Variants in STX18 observed in about 807,000 individuals in gnomAD.
The protein encoded by STX18 is syntaxin-18.
A neutral mutation model predicts 50.1 loss-of-function variants in STX18; 40 were observed. The ratio of observed to expected loss-of-function variants is 0.80; its 90% CI spans 0.62 to 1.04. The LOEUF is 1.04. Ranked by LOEUF, STX18 falls within the 50% of genes least tolerant of loss-of-function variation. The pLI, the probability that STX18 is intolerant of heterozygous loss-of-function variation, is 0.00. For synonymous variants in STX18, 158 were observed against 151.8 expected, an observed-to-expected ratio of 1.04 and a Z score of -0.30; for missense variants, 410 against 415.8, an observed-to-expected ratio of 0.99 and a Z score of 0.12.
At chr4:4,527,412 C>T (rs966113919) in intron 1 of STX18, among the ~76,000 whole-genome samples, 2 of 152,126 alleles carry the variant, frequency 1.3e-5, no homozygotes, top group East Asian at 3.8e-4. Context: ...TTCCTTATTA[C>T]TTTAATGGAA....
At chr4:4,534,657 C>T (rs1282435455) in intron 1 of STX18, among the ~76,000 whole-genome samples, 2 of 152,192 alleles carry the variant, frequency 1.3e-5, no homozygotes, top group Admixed American at 6.5e-5. Flanking sequence ...ATGATCCTTT[C>T]GTGCCTCTGC....
chr4:4,445,119 A>G (rs1726320729), intron 5 of STX18, among the ~76,000 whole-genome samples: 1 of 151,996 alleles, frequency 6.6e-6, no homozygotes, highest in South Asian at 2.1e-4. Flanking sequence ...TACAATAAAA[A>G]GGTCACGTGC....
intron 5 of STX18, among the ~76,000 whole-genome samples, chr4:4,444,425 C>T (rs952081214): frequency 1.3e-5 from 2 of 152,210 alleles, no homozygotes; most frequent in African/African-American, 4.8e-5. Flanking sequence ...TAGCACTTCA[C>T]ATCTACATCA....
At chr4:4,525,607 G>A (rs1287974076) in intron 1 of STX18, among the ~76,000 whole-genome samples, 1 of 152,154 alleles carries the variant, frequency 6.6e-6, no homozygotes, top group Non-Finnish European at 1.5e-5. Flanking sequence ...CTGTCTAAAG[G>A]CTGTATTACT....
At chr4:4,477,800 C>G (rs972133527) in intron 1 of STX18, 6 of 152,220 alleles carry the variant, frequency 3.9e-5, no homozygotes, top group Non-Finnish European at 5.9e-5. Flanking sequence ...ATATCAACAT[C>G]AACCTGCTCT....
intron 1 of STX18, among the ~76,000 whole-genome samples, chr4:4,509,949 C>T (rs1729922639): frequency 6.6e-6 from 1 of 152,134 alleles, no homozygotes; most frequent in Non-Finnish European, 1.5e-5. Flanking sequence ...AGCAAGGAGA[C>T]TGACTGTCTA....
At chr4:4,422,162 A>C (rs995715865) in intron 9 of STX18, among the ~76,000 whole-genome samples, 2 of 152,194 alleles carry the variant, frequency 1.3e-5, no homozygotes, top group African/African-American at 4.8e-5. Context: ...AGAGAGTCTC[A>C]AAGTGTGAAC....
chr4:4,529,720 C>T (rs1731004233), intron 1 of STX18, among the ~76,000 whole-genome samples: 1 of 152,206 alleles, frequency 6.6e-6, no homozygotes, highest in African/African-American at 2.4e-5. Context: ...AGATAGCTTA[C>T]CCTTCTGAAC....
chr4:4,505,704 A>G (rs568492783), intron 1 of STX18, among the ~76,000 whole-genome samples: 365 of 152,146 alleles, frequency 2.4e-3, no homozygotes, highest in Middle Eastern at 0.014. Flanking sequence ...CATGACAATC[A>G]CTTGAACCTG....
At chr4:4,429,781 C>T (rs6446646) in intron 7 of STX18, among the ~76,000 whole-genome samples, 8,440 of 152,274 alleles carry the variant, frequency 0.055, 771 homozygotes, top group African/African-American at 0.19. Context: ...ATTCAGATTC[C>T]ACCAATCCTT....
chr4:4,457,034 C>T (rs1727113338), intron 5 of STX18, among the ~76,000 whole-genome samples, 157 bp downstream of exon 5: 1 of 152,192 alleles, frequency 6.6e-6, no homozygotes. Context: ...TGGCATGCTG[C>T]CTGGCACACA....
chr4:4,421,887 G>A (rs1349169843), intron 9 of STX18, among the ~76,000 whole-genome samples: 1 of 152,212 alleles, frequency 6.6e-6, no homozygotes, highest in African/African-American at 2.4e-5. Flanking sequence ...TGAAAAGCTT[G>A]AGAAGCGTGG....
intron 1 of STX18, among the ~76,000 whole-genome samples, chr4:4,524,512 G>A (rs1730661318): frequency 6.6e-6 from 1 of 152,212 alleles, no homozygotes; most frequent in Non-Finnish European, 1.5e-5. Context: ...GTGAAACCCA[G>A]TCAAGCAAAG....
At chr4:4,444,025 G>T (rs765610480) in intron 5 of STX18, among the ~76,000 whole-genome samples, 6 of 152,154 alleles carry the variant, frequency 3.9e-5, no homozygotes, top group Non-Finnish European at 4.4e-5. Context: ...TATACCTGGG[G>T]GCATTCCAGA....
intron 1 of STX18, among the ~76,000 whole-genome samples, chr4:4,533,809 A>G (rs1731210504): frequency 6.6e-6 from 1 of 152,252 alleles, no homozygotes; most frequent in African/African-American, 2.4e-5. Context: ...TGCCAACTCA[A>G]AAGTGAGGAA....
chr4:4,514,207 A>G (rs1412839628), intron 1 of STX18, among the ~76,000 whole-genome samples: 8 of 152,360 alleles, frequency 5.3e-5, no homozygotes, highest in African/African-American at 1.9e-4. Flanking sequence ...GGATACACGT[A>G]GATATATGAA....
In STX18 at chr4:4,420,625, C is replaced by T. The variant is rs563486541; in HGVS notation, c.912+239G>A. 7 of 529,356 alleles carry T rather than the reference C, an allele frequency of 1.3e-5. No homozygotes were observed. Among genetic ancestry groups the T allele is most frequent in the Non-Finnish European group, 1.3e-5 (4 of 299,612 alleles). 32.8% of individuals were successfully genotyped at this position (529,356 alleles called of 1,614,324 possible). On this transcript the variant is annotated intron_variant, in intron 10 of 10. Coordinates refer to ENST00000306200, the MANE Select transcript of STX18 (RefSeq NM_016930.4). The surrounding 1 kb of genome is among the most constrained non-coding windows in gnomAD (Gnocchi z 4.3). ...CTGACCCTGCCAGGAGTACCCCCACCCACCCTGGATTGCTCCTTTGGAGGC... is the reference window on the plus strand; with the variant it reads ...CTGACCCTGCCAGGAGTACCCCCACTCACCCTGGATTGCTCCTTTGGAGGC...
At chr4:4,442,405 C>T (rs1220475828) in intron 5 of STX18, among the ~76,000 whole-genome samples, 2 of 152,074 alleles carry the variant, frequency 1.3e-5, no homozygotes, top group Non-Finnish European at 2.9e-5. Context: ...GGGCGAATCA[C>T]TTGAGGTCTA....
intron 1 of STX18, among the ~76,000 whole-genome samples, chr4:4,495,563 CT>C (rs35298335): frequency 0.018 from 2,348 of 129,906 alleles, 93 homozygotes; most frequent in Admixed American, 0.11. Flanking sequence ...TTTTTCTTTT[CT>C]TTTTTTTTTT....
Sources: gnomAD v4.1 joint callset for allele counts (sites outside exome capture counted in the v4.1 genomes callset) on GRCh38, gnomAD v4.1.1 for gene constraint, Gnocchi (gnomAD v3.1) non-coding constraint, MANE v1.5 for transcripts, NCBI Gene and HGNC (gene_info 2026-07-23, HGNC 2026-07-21) for gene names.